The following FAM117B variants were observed in gnomAD, a reference collection of about 807,000 sequenced individuals.
FAM117B encodes the protein family with sequence similarity 117 member B.
Under a neutral mutation model 52.8 loss-of-function variants are expected in FAM117B, and 22 were observed. That is an observed-to-expected ratio of 0.42 (90% CI 0.30 to 0.59). FAM117B has a LOEUF of 0.59. FAM117B is among the 20% of genes least tolerant of loss of function. The pLI, the probability that FAM117B is intolerant of heterozygous loss-of-function variation, is 0.22. For missense variants in FAM117B, 678 were observed against 802.6 expected (o/e 0.84, Z 1.88); for synonymous variants, 309 against 324.1 (o/e 0.95, Z 0.50).
chr2:202,641,629 ATATTT>A, intron 1 of FAM117B, among the ~76,000 whole-genome samples: 1 of 142,766 alleles, frequency 7.0e-6, no homozygotes, highest in Non-Finnish European at 1.5e-5. Flanking sequence ...TCAATATTAG[ATATTT>A]TATTTTCTTT....
intron 4 of FAM117B, among the ~76,000 whole-genome samples, chr2:202,746,916 A>C (rs984085067): frequency 9.2e-5 from 14 of 151,728 alleles, no homozygotes; most frequent in African/African-American, 3.4e-4. Flanking sequence ...ACCCTGTACC[A>C]AAACCAGACA....
intron 2 of FAM117B, among the ~76,000 whole-genome samples, chr2:202,721,239 A>G (rs931455736): frequency 6.6e-6 from 1 of 152,212 alleles, no homozygotes; most frequent in Non-Finnish European, 1.5e-5. Context: ...CAATTTTTGA[A>G]TTTGGAATTG....
chr2:202,693,437 C>T (rs183373267), intron 1 of FAM117B, among the ~76,000 whole-genome samples: 178 of 152,120 alleles, frequency 1.2e-3, no homozygotes, highest in African/African-American at 3.6e-3. Context: ...GGTGAAACCC[C>T]GTCTCTACTA....
At position 202,767,768 on chromosome 2, in the gene FAM117B, G is replaced by A. The variant is rs555447955; in HGVS notation, c.*2004G>A. ...AATAATCCCTGTTGAGTTTAAATTCGAGATGCATTTAGGTAAATTGGATAA... is the reference window on the plus strand; with the variant it reads ...AATAATCCCTGTTGAGTTTAAATTCAAGATGCATTTAGGTAAATTGGATAA... On this transcript the variant is annotated 3_prime_UTR_variant, in exon 8 of 8. Coordinates refer to ENST00000392238, the MANE Select transcript of FAM117B (RefSeq NM_173511.4). The A allele has an allele frequency of 3.3e-5, 5 of 152,246 alleles. No individual in the cohort carries two copies. In the South Asian group the frequency reaches 6.2e-4, roughly 19 times the overall value. 9.4% of individuals were successfully genotyped at this position (152,246 alleles called of 1,614,324 possible). A position where few individuals can be genotyped will look rare whatever the true frequency, so the allele number is the denominator to read the frequency against.
Position 202,755,619 on chromosome 2 carries a change from G to T in FAM117B, c.1042G>T (p.Gly348Ter). The T allele has an allele frequency of 6.2e-7, 1 of 1,614,032 alleles. No homozygotes were observed. Among genetic ancestry groups the T allele is most frequent in the Non-Finnish European group, 8.5e-7 (1 of 1,179,956 alleles). Residue 348 changes from glycine (G) to a stop codon, truncating the protein, a stop_gained, in exon 5 of 8, where the codon GGA becomes TGA. Transcript: ENST00000392238. LOFTEE classifies it high-confidence loss of function. ...CTCCCGGTTCCGGAATAGCGTGGAAGGATTGAATCAGGAGATTGAAATAAT... is the reference window on the plus strand; with the variant it reads ...CTCCCGGTTCCGGAATAGCGTGGAATGATTGAATCAGGAGATTGAAATAAT... ...TGSRFRNSVE[G>*]LNQEIEIIIK...
Position 202,635,455 on chromosome 2 carries a change from CGCA to C in FAM117B, c.272_274del (p.Ser91del), listed in dbSNP as rs1689665319. On this transcript the variant is annotated inframe_deletion, in exon 1 of 8. Coordinates refer to ENST00000392238, the MANE Select transcript of FAM117B (RefSeq NM_173511.4). Reference sequence around the variant, plus strand: ...CGGCGGTGGCCCGCGCACCGCCTCGCGCAGCACCAGCCCCACGCGCGGCGGCGG... The same window carrying C: ...CGGCGGTGGCCCGCGCACCGCCTCGCGCACCAGCCCCACGCGCGGCGGCGG... 1 of 1,159,410 alleles carries C rather than the reference CGCA, an allele frequency of 8.6e-7. No homozygotes were observed. The highest frequency in any genetic ancestry group is 1.7e-5 in the African/African-American group (1 of 60,546). 71.8% of individuals were successfully genotyped at this position (1,159,410 alleles called of 1,614,324 possible). A position where few individuals can be genotyped will look rare whatever the true frequency, so the allele number is the denominator to read the frequency against.
intron 1 of FAM117B, 84 bp from the exon 2 acceptor site, chr2:202,695,797 A>T (rs1690700812): frequency 7.1e-7 from 1 of 1,407,350 alleles, no homozygotes; most frequent in Non-Finnish European, 9.5e-7. Context: ...TAAGTTGGAG[A>T]ACTTTCTACA....
At chr2:202,744,688 G>C (rs187331898) in intron 4 of FAM117B, among the ~76,000 whole-genome samples, 14 of 152,198 alleles carry the variant, frequency 9.2e-5, no homozygotes, top group Non-Finnish European at 1.3e-4. Context: ...ATAAAGGAAA[G>C]TTGGCTGGGC....
At chr2:202,760,100 T>C (rs988730046) in intron 7 of FAM117B, among the ~76,000 whole-genome samples, 1 of 152,266 alleles carries the variant, frequency 6.6e-6, no homozygotes, top group East Asian at 1.9e-4. Context: ...CAGTATTTGC[T>C]AAAAGTAACC....
chr2:202,663,772 C>T (rs562069929), intron 1 of FAM117B, among the ~76,000 whole-genome samples: 10 of 152,166 alleles, frequency 6.6e-5, no homozygotes, highest in Middle Eastern at 3.4e-3. Flanking sequence ...TTAGTGGAGA[C>T]GGGGTTTCAC....
At chr2:202,655,388 A>G (rs947929512) in intron 1 of FAM117B, among the ~76,000 whole-genome samples, 3 of 152,140 alleles carry the variant, frequency 2.0e-5, no homozygotes, top group Non-Finnish European at 4.4e-5. Flanking sequence ...TTAAAAACCT[A>G]AGATTGGGGT....
At chr2:202,749,762 C>G (rs992811488) in intron 4 of FAM117B, among the ~76,000 whole-genome samples, 8 of 151,858 alleles carry the variant, frequency 5.3e-5, no homozygotes, top group African/African-American at 1.9e-4. Context: ...GACCCTATCT[C>G]TAATTATATT....
At position 202,651,217 on chromosome 2, in the gene FAM117B, A is replaced by G. The variant is rs187270300; in HGVS notation, c.601+15429A>G. Among the ~76,000 whole-genome samples the G allele has an allele frequency of 3.2e-3, 482 of 151,878 alleles. 1 individual carries two copies. Among genetic ancestry groups the G allele is most frequent in the African/African-American group, 0.011 (456 of 41,402 alleles). On this transcript the variant is annotated intron_variant, in intron 1 of 7. Coordinates refer to ENST00000392238, the MANE Select transcript of FAM117B (RefSeq NM_173511.4). ...GATGGGATTACAGGCACCTGTCACC[A>G]CGCCCAGCTAATTTTTGTATTTTTA...
intron 4 of FAM117B, among the ~76,000 whole-genome samples, chr2:202,726,898 A>G (rs755520643): frequency 2.0e-5 from 3 of 152,114 alleles, no homozygotes; most frequent in Non-Finnish European, 2.9e-5. Context: ...ACAAACCTGC[A>G]TGTTGTGCAC....
At chr2:202,710,875 A>G (rs1690946926) in intron 2 of FAM117B, among the ~76,000 whole-genome samples, 2 of 152,150 alleles carry the variant, frequency 1.3e-5, no homozygotes, top group South Asian at 4.1e-4. Context: ...GCTGTTGCAA[A>G]TGACAGGATC....
intron 4 of FAM117B, among the ~76,000 whole-genome samples, chr2:202,745,660 A>T (rs1691620153): frequency 6.6e-6 from 1 of 152,222 alleles, no homozygotes; most frequent in South Asian, 2.1e-4. Context: ...GACTGGCTGA[A>T]TGGGTAATAA....
intron 4 of FAM117B, among the ~76,000 whole-genome samples, chr2:202,742,155 C>G (rs1574577845): frequency 6.6e-6 from 1 of 152,018 alleles, no homozygotes; most frequent in South Asian, 2.1e-4. Context: ...TATCAGTAAG[C>G]TTTTTTACAG....
Position 202,732,046 on chromosome 2 carries a change from C to A in FAM117B, c.960+5683C>A, listed in dbSNP as rs368868712. ...CACTGCACCCAGCCTATTTATTTTT[C>A]TTTTTTTTTTTTTTTTGTATTTATA... On this transcript the variant is annotated intron_variant, in intron 4 of 7. Coordinates refer to ENST00000392238, the MANE Select transcript of FAM117B (RefSeq NM_173511.4). 4.1e-4 allele frequency among the ~76,000 whole-genome samples: 56 copies of A among 135,002 alleles called. No individual in the cohort carries two copies. In the East Asian group the frequency reaches 7.9e-3, roughly 19 times the overall value. 88.6% of individuals were successfully genotyped at this position (135,002 alleles called of 152,430 possible). A position where few individuals can be genotyped will look rare whatever the true frequency, so the allele number is the denominator to read the frequency against.
At chr2:202,671,993 A>G (rs987128844) in intron 1 of FAM117B, among the ~76,000 whole-genome samples, 1 of 152,130 alleles carries the variant, frequency 6.6e-6, no homozygotes, top group African/African-American at 2.4e-5. Flanking sequence ...AAAGTACATC[A>G]GCTTTAGGTG....
Sources: gnomAD v4.1 joint callset for allele counts (sites outside exome capture counted in the v4.1 genomes callset) on GRCh38, gnomAD v4.1.1 for gene constraint, MANE v1.5 for transcripts, NCBI Gene and HGNC (gene_info 2026-07-23, HGNC 2026-07-21) for gene names.